The following CDKL5 variants were observed in gnomAD, a reference collection of about 807,000 sequenced individuals.
The protein encoded by CDKL5 is cyclin dependent kinase like 5.
CDKL5 carries 8 observed loss-of-function variants against 61.7 expected under a neutral mutation model. The ratio of observed to expected loss-of-function variants is 0.13; its 90% CI spans 0.08 to 0.23. The LOEUF is 0.23. Ranked by LOEUF, CDKL5 falls within the 10% of genes least tolerant of loss-of-function variation. The pLI is 1.00. For missense variants in CDKL5, 440 were observed against 734.5 expected, an observed-to-expected ratio of 0.60 and a Z score of 4.63; for synonymous variants, 275 against 272.3, an observed-to-expected ratio of 1.01 and a Z score of -0.10.
intron 1 of CDKL5, among the ~76,000 whole-genome samples, chrX:18,485,673 C>T (rs957372274): frequency 9.0e-6 from 1 of 111,633 alleles, no homozygotes; most frequent in Non-Finnish European, 1.9e-5. Context: ...GACCAAGGAT[C>T]AAATAGTGGG....
At chrX:18,439,034 T>C in intron 1 of CDKL5, among the ~76,000 whole-genome samples, 1 of 29,000 alleles carries the variant, frequency 3.4e-5, no homozygotes, top group African/African-American at 9.6e-5. Flanking sequence ...TTATCAAAGG[T>C]GCCCCTTTTT....
chrX:18,534,139 A>G (rs748082865), intron 3 of CDKL5, among the ~76,000 whole-genome samples: 2 of 111,817 alleles, frequency 1.8e-5, no homozygotes, highest in African/African-American at 6.5e-5. Context: ...TTCCTTGAAT[A>G]CAGTGAGGTC....
chrX:18,434,316 C>T (rs1159859434), intron 1 of CDKL5, among the ~76,000 whole-genome samples: 2 of 111,707 alleles, frequency 1.8e-5, no homozygotes, highest in Non-Finnish European at 3.8e-5. Flanking sequence ...GAACATTTCT[C>T]TATGGAAAGT....
chrX:18,579,408 A>T (rs926101068), intron 5 of CDKL5, among the ~76,000 whole-genome samples: 11 of 110,484 alleles, frequency 1.0e-4, no homozygotes, highest in Non-Finnish European at 2.1e-4. Context: ...TTTTTTTTCT[A>T]CTAAGAATAT....
At chrX:18,596,949 TC>T in intron 10 of CDKL5, among the ~76,000 whole-genome samples, 1 of 112,221 alleles carries the variant, frequency 8.9e-6, no homozygotes, top group Non-Finnish European at 1.9e-5. Context: ...CCATCAGATT[TC>T]TTTAAGTAAA....
chrX:18,496,939 TG>T lies in CDKL5; in HGVS notation c.-162-9992del, dbSNP rs755248828. ...GGGAATTCAGTTTTTCAGGTTTCTC[TG>T]GGGTGCCCTTGGCCAAGAAGGAGTT... On this transcript the variant is annotated intron_variant, in intron 1 of 17. Transcript: ENST00000623535. Among the ~76,000 whole-genome samples, 14 of 110,492 alleles carry T rather than the reference TG, an allele frequency of 1.3e-4. No individual in the cohort carries two copies. The South Asian group carries it at 5.1e-3, about 40-fold the overall frequency.
chrX:18,502,575 G>T (rs1439218807), intron 1 of CDKL5, among the ~76,000 whole-genome samples: 1 of 110,967 alleles, frequency 9.0e-6, no homozygotes, highest in African/African-American at 3.3e-5. Flanking sequence ...GCCATTAGAG[G>T]GTTTTGAATG....
Position 18,637,226 on chromosome X carries a change from A to G in CDKL5, c.*8469A>G, listed in dbSNP as rs1927416060. On this transcript the variant is annotated 3_prime_UTR_variant, in exon 18 of 18. Transcript: ENST00000623535. ...GCCAACATGGTGAAACCCCGTCTCT[A>G]CTAAAAATACAAAAATTGGGTGTGG... is the stretch of plus-strand genomic sequence containing the variant. 9.0e-6 allele frequency: 1 copy of G among 111,155 alleles called. No homozygotes were observed. Among genetic ancestry groups the G allele is most frequent in the Non-Finnish European group, 1.9e-5 (1 of 53,025 alleles). 9.2% of individuals were successfully genotyped at this position (111,155 alleles called of 1,213,427 possible). A position where few individuals can be genotyped will look rare whatever the true frequency, so the allele number is the denominator to read the frequency against.
chrX:18,485,957 G>C (rs995189118), intron 1 of CDKL5, among the ~76,000 whole-genome samples: 1 of 111,492 alleles, frequency 9.0e-6, no homozygotes, highest in African/African-American at 3.3e-5. Flanking sequence ...TAGGAACTCT[G>C]CTTTTGCTTC....
At chrX:18,552,924 G>A (rs1457207815) in intron 3 of CDKL5, among the ~76,000 whole-genome samples, 1 of 111,432 alleles carries the variant, frequency 9.0e-6, no homozygotes, top group Non-Finnish European at 1.9e-5. Context: ...GGTTAGTGGA[G>A]TTAGGGAGAA....
chrX:18,584,400 T>G, intron 8 of CDKL5, 47 bp downstream of exon 8: 1 of 826,043 alleles, frequency 1.2e-6, no homozygotes, highest in South Asian at 2.0e-5. Flanking sequence ...ATCTGCTGAT[T>G]CTATTGTCAT....
intron 4 of CDKL5, among the ~76,000 whole-genome samples, chrX:18,566,572 A>G (rs933103648): frequency 1.8e-5 from 2 of 112,313 alleles, no homozygotes; most frequent in Non-Finnish European, 3.8e-5. Flanking sequence ...TAGAGTGGAA[A>G]TCTAGTGTAT....
chrX:18,536,437 T>G (rs926024203), intron 3 of CDKL5, among the ~76,000 whole-genome samples: 1 of 60,625 alleles, frequency 1.6e-5, no homozygotes, highest in Non-Finnish European at 3.0e-5. Context: ...TACAGGTTTT[T>G]TTTTTTTTTT....
chrX:18,521,767 G>A (rs938529479), intron 3 of CDKL5, among the ~76,000 whole-genome samples: 2 of 111,688 alleles, frequency 1.8e-5, no homozygotes, highest in African/African-American at 6.5e-5. Flanking sequence ...ATATTCAGTT[G>A]TCCCAGCACC....
intron 1 of CDKL5, among the ~76,000 whole-genome samples, chrX:18,432,539 G>T (rs2147616960): frequency 9.1e-6 from 1 of 110,220 alleles, no homozygotes; most frequent in African/African-American, 3.3e-5. Flanking sequence ...ACCGTGCCTG[G>T]CCAACCTAGA....
At chrX:18,458,734 A>T (rs905165396) in intron 1 of CDKL5, among the ~76,000 whole-genome samples, 1 of 112,166 alleles carries the variant, frequency 8.9e-6, no homozygotes, top group Non-Finnish European at 1.9e-5. Flanking sequence ...AAAAAAAAGA[A>T]AAAGAAAATA....
At chrX:18,608,746 G>T (rs1926444830) in intron 12 of CDKL5, 65 bp from the exon 13 acceptor site, 1 of 715,778 alleles carries the variant, frequency 1.4e-6, no homozygotes, top group Admixed American at 2.3e-5. Flanking sequence ...CCAAATAAAG[G>T]CCATGATGAG....
intron 1 of CDKL5, among the ~76,000 whole-genome samples, chrX:18,503,385 T>C (rs756213432): frequency 2.7e-5 from 3 of 112,057 alleles, no homozygotes; most frequent in African/African-American, 9.7e-5. Context: ...GATTTTGCCA[T>C]GTTGCCCAGT....
intron 12 of CDKL5, among the ~76,000 whole-genome samples, chrX:18,606,305 T>C (rs1420327855): frequency 8.9e-6 from 1 of 112,224 alleles, no homozygotes; most frequent in Non-Finnish European, 1.9e-5. Context: ...CAGAAGCAGT[T>C]AGAAATGGCT....
Sources: gnomAD v4.1 joint callset for allele counts (sites outside exome capture counted in the v4.1 genomes callset) on GRCh38, gnomAD v4.1.1 for gene constraint, MANE v1.5 for transcripts, NCBI Gene and HGNC (gene_info 2026-07-23, HGNC 2026-07-21) for gene names.